The following ABCC11 variants were observed in gnomAD, a reference collection of about 807,000 sequenced individuals.
ABCC11 encodes ATP binding cassette subfamily C member 11, also known as ATP-binding cassette sub-family C member 11.
ABCC11 carries 135 observed loss-of-function variants against 149.3 expected under a neutral mutation model. The observed-to-expected ratio is 0.90, with a 90% CI of 0.79 to 1.04. The LOEUF (loss-of-function observed/expected upper bound fraction) is 1.04, where lower values mean the gene tolerates loss of function less well. ABCC11 is among the 50% of genes least tolerant of loss of function. The pLI, the probability that ABCC11 is intolerant of heterozygous loss-of-function variation, is 0.00. For missense variants in ABCC11, 1,680 were observed against 1,722.1 expected (o/e 0.98, Z 0.43); for synonymous variants, 665 against 671.4 (o/e 0.99, Z 0.15).
At chr16:48,209,649 C>G (rs997651814) in intron 11 of ABCC11, 2 of 152,466 alleles carry the variant, frequency 1.3e-5, no homozygotes, top group Non-Finnish European at 2.9e-5. Context: ...GCCCAGGTGT[C>G]GGGGTCCCCT....
At chr16:48,243,773 C>T (rs1471988569) in intron 1 of ABCC11, among the ~76,000 whole-genome samples, 3 of 152,294 alleles carry the variant, frequency 2.0e-5, no homozygotes, top group Admixed American at 6.5e-5. Flanking sequence ...GGACGGATCG[C>T]TTGAGGTCAG....
At chr16:48,191,426 C>T (rs998356326) in intron 20 of ABCC11, among the ~76,000 whole-genome samples, 15 of 152,104 alleles carry the variant, frequency 9.9e-5, no homozygotes, top group Middle Eastern at 3.4e-3. Flanking sequence ...CCCAGCTACT[C>T]GGAGGTTAAG....
intron 15 of ABCC11, 114 bp from the exon 16 acceptor site, chr16:48,198,389 C>T (rs1967635685): frequency 1.7e-6 from 2 of 1,166,634 alleles, no homozygotes; most frequent in Non-Finnish European, 2.4e-6. Context: ...TTCATACCAA[C>T]AGATGAGCAA....
chr16:48,184,692 T>C, intron 22 of ABCC11, 66 bp from the exon 23 acceptor site: 2 of 1,507,692 alleles, frequency 1.3e-6, no homozygotes, highest in Non-Finnish European at 1.8e-6. Context: ...CGGGTCAGGG[T>C]AGATACCGGC....
intron 1 of ABCC11, among the ~76,000 whole-genome samples, chr16:48,232,722 C>A (rs1468964401): frequency 6.6e-6 from 1 of 152,194 alleles, no homozygotes; most frequent in Non-Finnish European, 1.5e-5. Flanking sequence ...GAGGGTGCAG[C>A]CTGTGCCCCC....
chr16:48,203,354 C>T, intron 13 of ABCC11, 54 bp from the exon 14 acceptor site: 1 of 1,466,482 alleles, frequency 6.8e-7, no homozygotes, highest in South Asian at 1.2e-5. Context: ...CCGCCCATCA[C>T]CCTTCCCAGT....
chr16:48,212,298 C>T (rs1008929633), intron 10 of ABCC11, among the ~76,000 whole-genome samples: 1 of 152,156 alleles, frequency 6.6e-6, no homozygotes, highest in African/African-American at 2.4e-5. Flanking sequence ...CCTAGGAACC[C>T]CCAGCCCTCC....
chr16:48,231,290 G>A (rs960356675), intron 2 of ABCC11, among the ~76,000 whole-genome samples: 1 of 152,070 alleles, frequency 6.6e-6, no homozygotes, highest in Non-Finnish European at 1.5e-5. Flanking sequence ...ATTATGCATA[G>A]AGATATGCAT....
rs1969217593 is a variant in ABCC11 at position 48,214,944 on chromosome 16, T to G, written c.1185A>C (p.Thr395=). 1 of 1,614,120 alleles carries G rather than the reference T, an allele frequency of 6.2e-7. No homozygotes were observed. Among genetic ancestry groups the G allele is most frequent in the East Asian group, 2.2e-5 (1 of 44,870 alleles). ...TGAGAACCCAGACCGCTGTGGCCAC[T>G]GTGGGGATGATGAACAAGGTTATAC... is the stretch of plus-strand genomic sequence containing the variant. ...LTSITLFIIP[T]VATAVWVLIH... The change falls in exon 9 of 30, where the codon ACA becomes ACC. Residue 395 remains threonine, a synonymous_variant. Coordinates refer to ENST00000356608, the MANE Select transcript of ABCC11 (RefSeq NM_001370497.1).
intron 20 of ABCC11, among the ~76,000 whole-genome samples, chr16:48,189,046 G>A (rs1301805426): frequency 6.6e-6 from 1 of 152,238 alleles, no homozygotes; most frequent in Admixed American, 6.5e-5. Flanking sequence ...TGGTGGGGTA[G>A]TGAGGGTTGG....
At position 48,243,084 on chromosome 16, in the gene ABCC11, A is replaced by G. The variant is rs970964376; in HGVS notation, c.-19+4230T>C. ...AAATTAAATTAAAAACAGAAAAAAA[A>G]TAAAAGTATCAAGGTTGTAAAAAAA... On this transcript the variant is annotated intron_variant, in intron 1 of 29. Transcript: ENST00000356608. Among the ~76,000 whole-genome samples the G allele has an allele frequency of 3.3e-5, 5 of 151,900 alleles. No individual in the cohort carries two copies. In the East Asian group the frequency reaches 9.7e-4, roughly 29 times the overall value.
At chr16:48,225,076 C>T (rs1969985732) in intron 4 of ABCC11, among the ~76,000 whole-genome samples, 1 of 149,240 alleles carries the variant, frequency 6.7e-6, no homozygotes, top group Non-Finnish European at 1.5e-5. Flanking sequence ...AATAACACTA[C>T]AGTCGGGTGC....
At chr16:48,179,416 T>C (rs1332667410) in intron 23 of ABCC11, among the ~76,000 whole-genome samples, 7 of 152,204 alleles carry the variant, frequency 4.6e-5, no homozygotes, top group Admixed American at 2.0e-4. Context: ...GTCTAGAAGC[T>C]GGAGGCAGAG....
intron 8 of ABCC11, 83 bp downstream of exon 8, chr16:48,215,114 G>C: frequency 2.5e-6 from 4 of 1,577,292 alleles, no homozygotes; most frequent in Non-Finnish European, 3.4e-6. Context: ...GCATTAAAAA[G>C]AAAAAAAATC....
chr16:48,168,490 C>T (rs1965480615), intron 28 of ABCC11, among the ~76,000 whole-genome samples: 2 of 152,140 alleles, frequency 1.3e-5, no homozygotes, highest in Non-Finnish European at 2.9e-5. Flanking sequence ...AACCATGATA[C>T]ATGTGTGTGA....
chr16:48,208,734 G>A (rs963645574), intron 11 of ABCC11, among the ~76,000 whole-genome samples: 1 of 152,194 alleles, frequency 6.6e-6, no homozygotes, highest in Non-Finnish European at 1.5e-5. Context: ...GGGGAATTCA[G>A]GGGTAGGTGG....
chr16:48,187,170 C>A, intron 21 of ABCC11, 31 bp downstream of exon 21: 1 of 1,613,450 alleles, frequency 6.2e-7, no homozygotes, highest in East Asian at 2.2e-5. Context: ...AGCCTTGCTC[C>A]CCAAGTCACA....
chr16:48,181,762 C>A (rs763349459), intron 23 of ABCC11, among the ~76,000 whole-genome samples: 3 of 152,192 alleles, frequency 2.0e-5, no homozygotes, highest in African/African-American at 2.4e-5. Flanking sequence ...AGGCACCTGC[C>A]ACCACGCCAG....
intron 1 of ABCC11, chr16:48,244,635 C>A (rs1259476597): frequency 3.0e-6 from 4 of 1,346,394 alleles, no homozygotes; most frequent in African/African-American, 1.5e-5. Context: ...GGCCTGGCTG[C>A]CCCCGCGGCG....
Sources: gnomAD v4.1 joint callset for allele counts (sites outside exome capture counted in the v4.1 genomes callset) on GRCh38, gnomAD v4.1.1 for gene constraint, MANE v1.5 for transcripts, NCBI Gene and HGNC (gene_info 2026-07-23, HGNC 2026-07-21) for gene names.